Variants in VPS16 observed in about 807,000 individuals in gnomAD.
The protein encoded by VPS16 is VPS16 core subunit of CORVET and HOPS complexes.
Under a neutral mutation model 116.0 loss-of-function variants are expected in VPS16, and 82 were observed. The observed-to-expected ratio is 0.71, with a 90% CI of 0.59 to 0.85. The LOEUF is 0.85. Ranked by LOEUF, VPS16 falls within the 40% of genes least tolerant of loss-of-function variation. The pLI is 0.00. For missense variants in VPS16, 928 were observed against 1,090.6 expected, an observed-to-expected ratio of 0.85 and a Z score of 2.10; for synonymous variants, 406 against 420.7, an observed-to-expected ratio of 0.96 and a Z score of 0.43.
rs1473212190 is a variant in VPS16 at position 2,866,248 on chromosome 20, T to C, written c.2308T>C (p.Tyr770His). 3.1e-6 allele frequency: 5 copies of C among 1,613,754 alleles called. No homozygotes were observed. The Admixed American group carries it at 5.0e-5, about 16-fold the overall frequency. The change falls in exon 23 of 24, where the codon TAC becomes CAC. Residue 770 changes from tyrosine to histidine, a missense_variant. Transcript: ENST00000380445. Reference protein sequence around the residue: ...VEICMKQHNKYEAKKYASRVG... With the variant: ...VEICMKQHNKHEAKKYASRVG... ...GATCTGCATGAAACAACATAACAAA[T>C]ACGAAGCCAAGAAGTATGCTTCCCG...
intron 1 of VPS16, among the ~76,000 whole-genome samples, chr20:2,842,277 C>T (rs2088985197): frequency 6.6e-6 from 1 of 152,030 alleles, no homozygotes; most frequent in Non-Finnish European, 1.5e-5. Flanking sequence ...ATAACCACTG[C>T]ACTCCAGCCT....
Position 2,864,369 on chromosome 20 carries a change from C to T in VPS16, c.1725C>T (p.Phe575=). The T allele has an allele frequency of 6.2e-7, 1 of 1,614,176 alleles. No individual in the cohort carries two copies. Among genetic ancestry groups the T allele is most frequent in the Non-Finnish European group, 8.5e-7 (1 of 1,180,028 alleles). ...AIESGDTDLV[F]TVLLHLKNEL... is the part of the protein sequence containing the mutation. ...CTCCACCTTACTCTCCTGCAGTGTT[C>T]ACGGTGTTGCTGCACCTGAAGAACG... is the stretch of plus-strand genomic sequence containing the variant. The change falls in exon 18 of 24, where the codon TTC becomes TTT. Residue 575 remains phenylalanine, a synonymous_variant. Coordinates refer to ENST00000380445, the MANE Select transcript of VPS16 (RefSeq NM_022575.4). This position sits in a 1 kb window ranked among gnomAD's most constrained non-coding sequence, Gnocchi z 5.2.
At position 2,866,066 on chromosome 20, in the gene VPS16, A is replaced by G. The variant is rs979323104; in HGVS notation, c.2272-146A>G. 6 of 706,574 alleles carry G rather than the reference A, an allele frequency of 8.5e-6. No homozygotes were observed. The East Asian group carries it at 1.1e-4, about 13-fold the overall frequency. The allele number at this position is 706,574 out of a possible 1,614,324, so 43.8% of individuals were successfully genotyped here. ...ATGTTGAGATCACAACTGTCTGTGC[A>G]TGGGGGTTGGGGGATTATATGTACT... On this transcript the variant is annotated intron_variant, in intron 22 of 23. Transcript: ENST00000380445.
At position 2,840,835 on chromosome 20, in the gene VPS16, G is replaced by GGGGC; in HGVS notation, c.53+8_53+9insGGGC. 2.7e-5 allele frequency: 41 copies of GGGGC among 1,522,190 alleles called. No homozygotes were observed. The highest frequency in any genetic ancestry group is 3.5e-5 in the Non-Finnish European group (39 of 1,126,096). The allele number at this position is 1,522,190 out of a possible 1,614,324, so 94.3% of individuals were successfully genotyped here. ...GGACTCTGCCTTTTACCGGTGAGCT[G>GGGGC]CCCCGCCCTCCCGCCCACGGCCTGG... On this transcript the variant is annotated intron_variant, in intron 1 of 23. Coordinates refer to ENST00000380445, the MANE Select transcript of VPS16 (RefSeq NM_022575.4).
chr20:2,864,559 C>T lies in VPS16; in HGVS notation c.1831C>T (p.Gln611Ter). Residue 611 changes from glutamine to a stop codon, truncating the protein, a stop_gained, in exon 19 of 24, where the codon CAG becomes TAG. Transcript: ENST00000380445. LOFTEE classifies it high-confidence loss of function. This position sits in a 1 kb window ranked among gnomAD's most constrained non-coding sequence, Gnocchi z 5.2. The stretch of plus-strand genomic sequence containing the variant: ...CCTGTGGCCCCAGTTCTGTAAGCAT[C>T]AGGAGCTAGAGACGCTGAAGGACCT... ...LSLYRQFCKH[Q>*]ELETLKDLYN... 6.2e-7 allele frequency: 1 copy of T among 1,614,160 alleles called. No homozygotes were observed. Among genetic ancestry groups the T allele is most frequent in the Non-Finnish European group, 8.5e-7 (1 of 1,180,042 alleles).
chr20:2,862,894 G>A lies in VPS16; in HGVS notation c.1291G>A (p.Val431Ile), dbSNP rs1330940390. 6.2e-7 allele frequency: 1 copy of A among 1,614,130 alleles called. No individual in the cohort carries two copies. Among genetic ancestry groups the A allele is most frequent in the Non-Finnish European group, 8.5e-7 (1 of 1,180,026 alleles). Residue 431 changes from valine (V) to isoleucine (I), a missense_variant, in exon 13 of 24, where the codon GTT becomes ATT. Transcript: ENST00000380445. ...TCAGGACCTGCGTGTGCTCAATGCT[G>A]TTCGGGACTATCACATCGGGATCCC... ...MCQDLRVLNA[V>I]RDYHIGIPLT...
chr20:2,859,624 G>A (rs2089205780), intron 1 of VPS16, 95 bp from the exon 2 acceptor site: 1 of 1,393,496 alleles, frequency 7.2e-7, no homozygotes, highest in Admixed American at 1.9e-5. Flanking sequence ...ACAGCCTTGT[G>A]GAAGACAAAT....
chr20:2,857,987 C>T (rs1042474669), intron 1 of VPS16, among the ~76,000 whole-genome samples: 3 of 151,946 alleles, frequency 2.0e-5, no homozygotes, highest in Admixed American at 6.6e-5. Context: ...TATTTCCAAT[C>T]GATTCTTGCT....
intron 1 of VPS16, among the ~76,000 whole-genome samples, chr20:2,859,475 C>A (rs1249609373): frequency 1.3e-5 from 2 of 152,178 alleles, no homozygotes; most frequent in Non-Finnish European, 2.9e-5. Flanking sequence ...GACACTTGCC[C>A]CAAGAACCAC....
intron 1 of VPS16, among the ~76,000 whole-genome samples, chr20:2,845,510 A>G (rs1429695118): frequency 6.6e-6 from 1 of 152,024 alleles, no homozygotes; most frequent in Non-Finnish European, 1.5e-5. Context: ...TTTGATACAT[A>G]AACATGAACT....
intron 1 of VPS16, among the ~76,000 whole-genome samples, chr20:2,852,531 C>A (rs1027917144): frequency 1.3e-5 from 2 of 151,930 alleles, no homozygotes; most frequent in Non-Finnish European, 2.9e-5. Flanking sequence ...CAAATAATGC[C>A]AAAGTATATA....
In VPS16 at chr20:2,863,808, GAGAAAGA is replaced by G. The variant is rs2089275724; in HGVS notation, c.1477-133_1477-127del. On this transcript the variant is annotated intron_variant, in intron 15 of 23. Coordinates refer to ENST00000380445, the MANE Select transcript of VPS16 (RefSeq NM_022575.4). The surrounding 1 kb of genome is among the most constrained non-coding windows in gnomAD (Gnocchi z 4.4). ...GGGGGCGGAGGAGGAGGGAAAGAGA[GAGAAAGA>G]AGAAAGAGAGAAAGAAAGAAAGAAG... The G allele has an allele frequency of 4.1e-6, 5 of 1,209,808 alleles. No individual in the cohort carries two copies. The highest frequency in any genetic ancestry group is 5.6e-6 in the Non-Finnish European group (5 of 893,410). 74.9% of individuals were successfully genotyped at this position (1,209,808 alleles called of 1,614,324 possible). A position where few individuals can be genotyped will look rare whatever the true frequency, so the allele number is the denominator to read the frequency against.
chr20:2,843,500 A>C (rs115369950), intron 1 of VPS16, among the ~76,000 whole-genome samples: 3,582 of 152,286 alleles, frequency 0.024, 83 homozygotes, highest in African/African-American at 0.058. Flanking sequence ...TTCATTAAAA[A>C]TCCATAAATG....
chr20:2,852,822 C>T (rs569417432), intron 1 of VPS16, among the ~76,000 whole-genome samples: 1 of 152,302 alleles, frequency 6.6e-6, no homozygotes, highest in East Asian at 1.9e-4. Flanking sequence ...ATGATGACTA[C>T]TAATTAATCT....
In VPS16 at chr20:2,866,508, G is replaced by T. The variant is rs941805063; in HGVS notation, c.2454G>T (p.Thr818=). The T allele has an allele frequency of 3.7e-6, 6 of 1,614,082 alleles. No homozygotes were observed. Among genetic ancestry groups the T allele is most frequent in the African/African-American group, 1.3e-5 (1 of 74,920 alleles). ...TGAGCCTCGTATTGTCCCACTGCAC[G>T]GGAGCCACAGATGGGGCCACAGCTG... The part of the protein sequence containing the change: ...AELSLVLSHC[T]GATDGATADK... Residue 818 remains threonine (T), a synonymous_variant, in exon 24 of 24, where the codon ACG becomes ACT. Coordinates refer to ENST00000380445, the MANE Select transcript of VPS16 (RefSeq NM_022575.4).
intron 1 of VPS16, among the ~76,000 whole-genome samples, chr20:2,844,911 G>A (rs1052528458): frequency 2.0e-5 from 3 of 152,088 alleles, no homozygotes; most frequent in South Asian, 2.1e-4. Flanking sequence ...GGGGTCACAC[G>A]CTGCAGGGAC....
chr20:2,843,482 G>T (rs946178580), intron 1 of VPS16, among the ~76,000 whole-genome samples: 1 of 151,956 alleles, frequency 6.6e-6, no homozygotes. Context: ...TGAAAAAATT[G>T]CAAAAACTTC....
At chr20:2,846,401 G>A (rs190347440) in intron 1 of VPS16, among the ~76,000 whole-genome samples, 13 of 151,260 alleles carry the variant, frequency 8.6e-5, no homozygotes, top group Admixed American at 7.9e-4. Context: ...ACAGGCATAA[G>A]CCATTGCACC....
chr20:2,855,533 A>G (rs1246840111), intron 1 of VPS16, among the ~76,000 whole-genome samples: 1 of 152,200 alleles, frequency 6.6e-6, no homozygotes, highest in East Asian at 1.9e-4. Flanking sequence ...ACACGCTTTG[A>G]AGCCAGGTGT....
Sources: gnomAD v4.1 joint callset for allele counts (sites outside exome capture counted in the v4.1 genomes callset) on GRCh38, gnomAD v4.1.1 for gene constraint, Gnocchi (gnomAD v3.1) non-coding constraint, MANE v1.5 for transcripts, NCBI Gene and HGNC (gene_info 2026-07-23, HGNC 2026-07-21) for gene names.